Variants in ANK1 observed in about 807,000 individuals in gnomAD.
The protein encoded by ANK1 is ankyrin-1.
In ANK1, 51 loss-of-function variants were observed where a neutral mutation model predicts 210.4. That is an observed-to-expected ratio of 0.24 (90% CI 0.19 to 0.31). ANK1 has a LOEUF of 0.31. Among genes scored for constraint, ANK1 ranks in the 10% least tolerant of loss-of-function variants. ANK1 has a pLI of 1.00. For synonymous variants in ANK1, 967 were observed against 1,025.9 expected (o/e 0.94, Z 1.10); for missense variants, 2,051 against 2,504.4 (o/e 0.82, Z 3.86).
chr8:41,768,381 C>T (rs1314066217), intron 1 of ANK1, among the ~76,000 whole-genome samples: 1 of 152,182 alleles, frequency 6.6e-6, no homozygotes, highest in Admixed American at 6.5e-5. Flanking sequence ...TCCCGCTGTC[C>T]CCTGACATTG....
intron 2 of ANK1, among the ~76,000 whole-genome samples, chr8:41,751,801 T>C: frequency 6.6e-6 from 1 of 152,118 alleles, no homozygotes; most frequent in South Asian, 2.1e-4. Context: ...GCGAGGGCAA[T>C]TGTTTAGAAA....
rs143966262 is a variant in ANK1 at position 41,732,312 on chromosome 8, G to A, written c.228+1659C>T. Among the ~76,000 whole-genome samples the A allele has an allele frequency of 1.8e-3, 268 of 152,266 alleles. 1 individual carries two copies. Among genetic ancestry groups the A allele is most frequent in the Non-Finnish European group, 2.9e-3 (199 of 68,012 alleles). The stretch of plus-strand genomic sequence containing the variant: ...AAGAGGCTAGGGGGAAAGAACTCCA[G>A]AAGAAAAACATGGGAAAGGAACAGA... On this transcript the variant is annotated intron_variant, in intron 3 of 42. Transcript: ENST00000289734.
At chr8:41,880,720 A>G (rs775809360) in intron 1 of ANK1, among the ~76,000 whole-genome samples, 4 of 152,236 alleles carry the variant, frequency 2.6e-5, no homozygotes, top group South Asian at 2.1e-4. Flanking sequence ...TCTATCCAGG[A>G]CACATTTCCT....
At position 41,694,964 on chromosome 8, in the gene ANK1, G is replaced by C. The variant is rs527245673; in HGVS notation, c.3116-161C>G. 6.6e-6 allele frequency among the ~76,000 whole-genome samples: 1 copy of C among 152,178 alleles called. No individual in the cohort carries two copies. The highest frequency in any genetic ancestry group is 2.4e-5 in the African/African-American group (1 of 41,450). On this transcript the variant is annotated intron_variant, in intron 27 of 42. Transcript: ENST00000289734. This position sits in a 1 kb window ranked among gnomAD's most constrained non-coding sequence, Gnocchi z 5.7. ...AAGAAGTGGCCAGAAGAAGTGCCCA[G>C]GCCCAGAGGCCCAGCAGAGCAGATG...
At position 41,850,042 on chromosome 8, in the gene ANK1, G is replaced by A. The variant is rs537467037; in HGVS notation, c.126+46313C>T. On this transcript the variant is annotated intron_variant, in intron 1 of 42. Coordinates refer to the ANK1 transcript ENST00000265709. Reference sequence around the variant, plus strand: ...CACTGCAGCCTCCCCACAGCCCTGCGACCGCTCCCACACATGAGATCCTCA... The same window carrying A: ...CACTGCAGCCTCCCCACAGCCCTGCAACCGCTCCCACACATGAGATCCTCA... 1.6e-4 allele frequency among the ~76,000 whole-genome samples: 24 copies of A among 151,934 alleles called. No homozygotes were observed. The South Asian group carries it at 3.3e-3, about 21-fold the overall frequency.
chr8:41,721,303 G>A (rs1829189684), intron 9 of ANK1, among the ~76,000 whole-genome samples: 1 of 152,122 alleles, frequency 6.6e-6, no homozygotes, highest in Non-Finnish European at 1.5e-5. Context: ...CAAAGATTGT[G>A]CCCAAACCAC....
intron 42 of ANK1, among the ~76,000 whole-genome samples, chr8:41,657,616 G>T (rs1240245964): frequency 1.3e-5 from 2 of 152,218 alleles, no homozygotes; most frequent in African/African-American, 4.8e-5. Flanking sequence ...GGAATATGCA[G>T]CCTGGGAAAG....
intron 2 of ANK1, among the ~76,000 whole-genome samples, chr8:41,747,215 A>G (rs542308158): frequency 5.3e-5 from 8 of 152,320 alleles, no homozygotes; most frequent in Middle Eastern, 3.4e-3. Context: ...TTTACACCAA[A>G]GAAGTCAATC....
chr8:41,733,755 C>G (rs1158424152), intron 3 of ANK1, among the ~76,000 whole-genome samples: 1 of 152,114 alleles, frequency 6.6e-6, no homozygotes, highest in Non-Finnish European at 1.5e-5. Flanking sequence ...TTTTTAGATA[C>G]GTAACCTAGT....
intron 1 of ANK1, among the ~76,000 whole-genome samples, chr8:41,806,893 A>C (rs1000956471): frequency 1.8e-4 from 27 of 152,366 alleles, no homozygotes; most frequent in African/African-American, 6.0e-4. Flanking sequence ...TGCTGCTAAC[A>C]GTTTTACCAT....
rs13262061 is a variant in ANK1 at position 41,775,980 on chromosome 8, C to T, written c.28-17843G>A. Among the ~76,000 whole-genome samples the T allele has an allele frequency of 1.8e-3, 275 of 152,070 alleles. 1 individual carries two copies. The highest frequency in any genetic ancestry group is 3.0e-3 in the Non-Finnish European group (205 of 67,982). ...ACATTTAACCCTCAAAACCACCCTA[C>T]GAGTTAACAGCTATTATTATTCCCA... is the stretch of plus-strand genomic sequence containing the variant. On this transcript the variant is annotated intron_variant, in intron 1 of 42. Coordinates refer to ENST00000289734, the MANE Select transcript of ANK1 (RefSeq NM_000037.4).
At chr8:41,662,016 T>C (rs1009884219) in intron 40 of ANK1, 75 bp from the exon 41 acceptor site, 12 of 1,549,300 alleles carry the variant, frequency 7.7e-6, no homozygotes, top group Non-Finnish European at 1.1e-5. Flanking sequence ...CTCAGCACTT[T>C]GGGAGGCTGA....
chr8:41,836,365 A>T (rs76282315), intron 1 of ANK1, among the ~76,000 whole-genome samples: 3,006 of 152,354 alleles, frequency 0.02, 36 homozygotes, highest in East Asian at 0.028. Flanking sequence ...CATTCTCCAG[A>T]GATTTCTTGC....
At chr8:41,870,726 C>T (rs1815309921) in intron 1 of ANK1, among the ~76,000 whole-genome samples, 1 of 152,166 alleles carries the variant, frequency 6.6e-6, no homozygotes. Context: ...AAGGGTGGGC[C>T]CGGCACACAC....
rs763021238 is a variant in ANK1 at position 41,690,597 on chromosome 8, C to T, written c.3861G>A (p.Val1287=). The change falls in exon 32 of 43, where the codon GTG becomes GTA. Residue 1287 remains valine, a splice_region_variant and synonymous_variant. Coordinates refer to ENST00000289734, the MANE Select transcript of ANK1 (RefSeq NM_000037.4). ...CTGCAAACAGGGACATTCCTTCCAA[C>T]ACCTGCAGGAGAGGAAAAGCAGATA... ...VEVARSRDIE[V]LEGMSLFAEL... The T allele has an allele frequency of 1.2e-6, 2 of 1,612,604 alleles. No individual in the cohort carries two copies. The highest frequency in any genetic ancestry group is 1.7e-6 in the Non-Finnish European group (2 of 1,179,986).
chr8:41,783,821 G>A (rs77545953), intron 1 of ANK1, among the ~76,000 whole-genome samples: 2 of 152,296 alleles, frequency 1.3e-5, no homozygotes, highest in African/African-American at 4.8e-5. Context: ...CCAGCACTTT[G>A]GGAGGCCAAA....
chr8:41,699,439 G>T lies in ANK1; in HGVS notation c.2558+13C>A. On this transcript the variant is annotated intron_variant, in intron 23 of 42. Transcript: ENST00000289734. Reference sequence around the variant, plus strand: ...TCGGCACCCCCGGGGACCCTCCCGGGAGCACTGCTCACACTTGGTCTAGCT... The same window carrying T: ...TCGGCACCCCCGGGGACCCTCCCGGTAGCACTGCTCACACTTGGTCTAGCT... 1 of 1,613,686 alleles carries T rather than the reference G, an allele frequency of 6.2e-7. No individual in the cohort carries two copies. The highest frequency in any genetic ancestry group is 8.5e-7 in the Non-Finnish European group (1 of 1,179,800).
At chr8:41,896,590 A>T in exon 1 of ANK1, 5 of 1,360,118 alleles carry the variant, frequency 3.7e-6, no homozygotes, top group Non-Finnish European at 4.8e-6. Context: ...CAGAGGGGAC[A>T]GCGTTCGTGG....
intron 39 of ANK1, chr8:41,663,952 G>A (rs1809453754): frequency 6.2e-6 from 4 of 647,302 alleles, no homozygotes; most frequent in African/African-American, 1.8e-5. Context: ...GCCTGAAGAC[G>A]AACGGTCGAG....
Sources: gnomAD v4.1 joint callset for allele counts (sites outside exome capture counted in the v4.1 genomes callset) on GRCh38, gnomAD v4.1.1 for gene constraint, Gnocchi (gnomAD v3.1) non-coding constraint, MANE v1.5 for transcripts, NCBI Gene and HGNC (gene_info 2026-07-23, HGNC 2026-07-21) for gene names.